Variants in TSHZ2 observed in about 807,000 individuals in gnomAD.
The protein encoded by TSHZ2 is teashirt zinc finger homeobox 2.
A neutral mutation model predicts 74.4 loss-of-function variants in TSHZ2; 21 were observed. The ratio of observed to expected loss-of-function variants is 0.28; its 90% CI spans 0.20 to 0.41. The LOEUF (loss-of-function observed/expected upper bound fraction) is 0.41. TSHZ2 is among the 10% of genes least tolerant of loss of function. The pLI, the probability that TSHZ2 is intolerant of heterozygous loss-of-function variation, is 1.00. For missense variants in TSHZ2, 1,244 were observed against 1,293.5 expected, an observed-to-expected ratio of 0.96 and a Z score of 0.59; for synonymous variants, 540 against 515.3, an observed-to-expected ratio of 1.05 and a Z score of -0.65.
At chr20:53,407,053 CA>C (rs1260427294) in intron 2 of TSHZ2, among the ~76,000 whole-genome samples, 2 of 152,196 alleles carry the variant, frequency 1.3e-5, no homozygotes, top group Non-Finnish European at 2.9e-5. Flanking sequence ...CAGGGAAACA[CA>C]GCAGTGGGGG....
At chr20:53,146,580 T>C (rs891192349) in intron 1 of TSHZ2, among the ~76,000 whole-genome samples, 2 of 152,232 alleles carry the variant, frequency 1.3e-5, no homozygotes, top group Non-Finnish European at 2.9e-5. Flanking sequence ...CTGCTGTCTT[T>C]GGTATAGTTT....
rs750453142 is a variant in TSHZ2, at chr20:53,255,061, G to A, written c.1603G>A (p.Ala535Thr). ...TTAINKAQNGAPSWSAYPSIH... is the reference protein window; with the variant it reads ...TTAINKAQNGTPSWSAYPSIH... ...AGCCATCAACAAAGCCCAAAACGGG[G>A]CCCCCAGCTGGAGTGCCTACCCCAG... Residue 535 changes from alanine to threonine, a missense_variant, in exon 2 of 3, where the codon GCC becomes ACC. By Grantham distance (58) the Ala-to-Thr change is moderately conservative. Coordinates refer to ENST00000371497, the MANE Select transcript of TSHZ2 (RefSeq NM_173485.6). The surrounding 1 kb of genome is among the most constrained non-coding windows in gnomAD (Gnocchi z 4.1). 1.2e-6 allele frequency: 2 copies of A among 1,614,124 alleles called. No individual in the cohort carries two copies. Among genetic ancestry groups the A allele is most frequent in the Non-Finnish European group, 1.7e-6 (2 of 1,180,020 alleles).
At chr20:52,998,754 T>C (rs1293887256) in intron 1 of TSHZ2, among the ~76,000 whole-genome samples, 1 of 152,310 alleles carries the variant, frequency 6.6e-6, no homozygotes, top group African/African-American at 2.4e-5. Context: ...GACCCCACCA[T>C]AGTGTCCAGT....
chr20:53,377,777 C>T (rs896016041), intron 2 of TSHZ2, among the ~76,000 whole-genome samples: 3 of 152,082 alleles, frequency 2.0e-5, no homozygotes, highest in Admixed American at 1.3e-4. Context: ...ATGGGAAGAT[C>T]GCTTGAGCTC....
At chr20:53,330,873 T>C (rs1327558287) in intron 2 of TSHZ2, among the ~76,000 whole-genome samples, 4 of 152,172 alleles carry the variant, frequency 2.6e-5, no homozygotes, top group Admixed American at 2.6e-4. Flanking sequence ...GTAGGCTCCT[T>C]CTGGATCCTT....
intron 2 of TSHZ2, among the ~76,000 whole-genome samples, chr20:53,269,794 T>C (rs1182000514): frequency 8.2e-6 from 1 of 122,046 alleles, no homozygotes. Flanking sequence ...ACTTAGAGTA[T>C]AATAAAAAAA....
At chr20:53,408,165 A>T (rs1297972882) in intron 2 of TSHZ2, among the ~76,000 whole-genome samples, 1 of 152,198 alleles carries the variant, frequency 6.6e-6, no homozygotes, top group Non-Finnish European at 1.5e-5. Context: ...CCAGGTGGCC[A>T]GTCTCCAGAA....
intron 1 of TSHZ2, among the ~76,000 whole-genome samples, chr20:53,112,990 A>T (rs1466827445): frequency 6.6e-6 from 1 of 152,186 alleles, no homozygotes. Context: ...GGCACAAGTT[A>T]ACTTGGCAGG....
At chr20:53,482,730 CCT>C (rs887565119) in intron 2 of TSHZ2, among the ~76,000 whole-genome samples, 1 of 151,810 alleles carries the variant, frequency 6.6e-6, no homozygotes, top group Non-Finnish European at 1.5e-5. Context: ...GTGGCGAAAC[CCT>C]GTCTCTACAA....
intron 2 of TSHZ2, among the ~76,000 whole-genome samples, chr20:53,369,461 C>T (rs528069694): frequency 2.6e-5 from 4 of 152,110 alleles, no homozygotes; most frequent in South Asian, 2.1e-4. Context: ...AATCTCAGCA[C>T]CTCGGGAGGC....
chr20:53,331,110 G>A (rs1449129268), intron 2 of TSHZ2, among the ~76,000 whole-genome samples: 1 of 152,232 alleles, frequency 6.6e-6, no homozygotes, highest in African/African-American at 2.4e-5. Context: ...ATGTTTGCTT[G>A]TGTTGAGTGA....
chr20:53,303,132 C>T (rs915038720), intron 2 of TSHZ2, among the ~76,000 whole-genome samples: 1 of 152,320 alleles, frequency 6.6e-6, no homozygotes, highest in Middle Eastern at 3.4e-3. Flanking sequence ...TCAGTACACA[C>T]AGGCAACAGT....
intron 2 of TSHZ2, among the ~76,000 whole-genome samples, chr20:53,428,938 C>A (rs1983746001): frequency 6.6e-6 from 1 of 152,204 alleles, no homozygotes; most frequent in Non-Finnish European, 1.5e-5. Context: ...GTGGAGGTCA[C>A]ATTGCTCCAG....
In TSHZ2 at chr20:53,250,835, G is replaced by GA. The variant is rs561849899; in HGVS notation, c.41-2648dup. 9.9e-3 allele frequency among the ~76,000 whole-genome samples: 1,251 copies of GA among 125,782 alleles called. 12 individuals carry two copies. The highest frequency in any genetic ancestry group is 0.022 in the East Asian group (94 of 4,348). 82.5% of individuals were successfully genotyped at this position (125,782 alleles called of 152,430 possible). On this transcript the variant is annotated intron_variant, in intron 1 of 2. Coordinates refer to ENST00000371497, the MANE Select transcript of TSHZ2 (RefSeq NM_173485.6). The stretch of plus-strand genomic sequence containing the variant: ...AAGCTCTGCTTCCAAATGTCAGTGG[G>GA]AAAAAAAAAAAAAAAAGAACACTTC...
intron 2 of TSHZ2, among the ~76,000 whole-genome samples, chr20:53,273,648 G>C (rs1235428146): frequency 6.6e-6 from 1 of 152,158 alleles, no homozygotes; most frequent in Non-Finnish European, 1.5e-5. Flanking sequence ...AGAGGGTCAG[G>C]AGTGAAAGCA....
chr20:53,047,570 G>A (rs1025542741), intron 1 of TSHZ2, among the ~76,000 whole-genome samples: 4 of 152,160 alleles, frequency 2.6e-5, no homozygotes, highest in African/African-American at 9.7e-5. Context: ...ATCTGACAGA[G>A]GCTGGGAAAT....
intron 2 of TSHZ2, among the ~76,000 whole-genome samples, chr20:53,479,357 A>T (rs2145851992): frequency 6.6e-6 from 1 of 152,270 alleles, no homozygotes; most frequent in Middle Eastern, 3.4e-3. Flanking sequence ...TACTGCTGTT[A>T]TATGGACCAC....
intron 2 of TSHZ2, among the ~76,000 whole-genome samples, chr20:53,364,667 A>G (rs980528976): frequency 6.6e-6 from 1 of 152,206 alleles, no homozygotes; most frequent in East Asian, 1.9e-4. Context: ...GGATGTTGCT[A>G]GAGATCCCAG....
chr20:52,983,691 G>C (rs1222361363), intron 1 of TSHZ2, among the ~76,000 whole-genome samples: 1 of 152,206 alleles, frequency 6.6e-6, no homozygotes, highest in Non-Finnish European at 1.5e-5. Context: ...CTTGTATTTT[G>C]CGCATCGTGA....
Sources: gnomAD v4.1 joint callset for allele counts (sites outside exome capture counted in the v4.1 genomes callset) on GRCh38, gnomAD v4.1.1 for gene constraint, Gnocchi (gnomAD v3.1) non-coding constraint, MANE v1.5 for transcripts, NCBI Gene and HGNC (gene_info 2026-07-23, HGNC 2026-07-21) for gene names.